The following PTPRB variants were observed in gnomAD, a reference collection of about 807,000 sequenced individuals.
PTPRB encodes the protein protein tyrosine phosphatase receptor type B, also known as receptor-type tyrosine-protein phosphatase beta.
Under a neutral mutation model 238.1 loss-of-function variants are expected in PTPRB, and 97 were observed. That is an observed-to-expected ratio of 0.41 (90% confidence interval 0.35 to 0.48). The LOEUF is 0.48. Ranked by LOEUF, PTPRB falls within the 20% of genes least tolerant of loss-of-function variation. The pLI, the probability that PTPRB is intolerant of heterozygous loss-of-function variation, is 0.30. For missense variants in PTPRB, 2,292 were observed against 2,681.9 expected (o/e 0.85, Z 3.21); for synonymous variants, 970 against 995.4 (o/e 0.97, Z 0.48).
chr12:70,586,421 C>G (rs1310829329), intron 9 of PTPRB, among the ~76,000 whole-genome samples: 1 of 152,108 alleles, frequency 6.6e-6, no homozygotes, highest in Non-Finnish European at 1.5e-5. Context: ...AACCTCTTTC[C>G]TTTATAAATT....
intron 21 of PTPRB, among the ~76,000 whole-genome samples, chr12:70,546,130 C>T (rs1217160076): frequency 6.9e-6 from 1 of 145,022 alleles, no homozygotes; most frequent in Non-Finnish European, 1.5e-5. Flanking sequence ...AAGCAGGACT[C>T]CACCTCAAAA....
chr12:70,550,540 C>T (rs190775011), intron 21 of PTPRB, among the ~76,000 whole-genome samples: 2 of 152,232 alleles, frequency 1.3e-5, no homozygotes, highest in East Asian at 3.9e-4. Flanking sequence ...CTTAGGACAA[C>T]CTTATGGAGC....
rs1878707816 is a variant in PTPRB, at chr12:70,563,014, T to C, written c.3998A>G (p.Tyr1333Cys). 1.9e-6 allele frequency: 3 copies of C among 1,613,858 alleles called. No individual in the cohort carries two copies. The highest frequency in any genetic ancestry group is 2.5e-6 in the Non-Finnish European group (3 of 1,179,892). Residue 1333 changes from tyrosine to cysteine, a missense_variant, in exon 16 of 34, where the codon TAC becomes TGC. Tyr to Cys is a radical substitution (Grantham distance 194). Transcript: ENST00000334414. ...ATCTGGGTTGTACAAAAAGATGTTG[T>C]ACCAGCTGAGCTCCCCCTCTGAGGC... The part of the protein sequence containing the change: ...WTASEGELSW[Y>C]NIFLYNPDGN...
intron 4 of PTPRB, among the ~76,000 whole-genome samples, chr12:70,606,528 T>G (rs1883957457): frequency 6.6e-6 from 1 of 152,262 alleles, no homozygotes; most frequent in Non-Finnish European, 1.5e-5. Flanking sequence ...TGTCTTGCTC[T>G]CATTCTATTT....
In PTPRB at chr12:70,560,569, A is replaced by G; in HGVS notation, c.4432+102T>C. 20 of 1,472,840 alleles carry G rather than the reference A, an allele frequency of 1.4e-5. No homozygotes were observed. The highest frequency in any genetic ancestry group is 1.8e-5 in the Non-Finnish European group (20 of 1,085,268). The allele number at this position is 1,472,840 out of a possible 1,614,324, so 91.2% of individuals were successfully genotyped here. ...AAATTCAGGGGCTAGCTCAGGGTAT[A>G]TCATTATTGGCTTTATCTCTTGTCA... On this transcript the variant is annotated intron_variant, in intron 17 of 33. Transcript: ENST00000334414. This position sits in a 1 kb window ranked among gnomAD's most constrained non-coding sequence, Gnocchi z 4.2.
In PTPRB at chr12:70,596,191, T is replaced by A. The variant is rs112738888; in HGVS notation, c.1116A>T (p.Ile372=). 7 of 1,613,706 alleles carry A rather than the reference T, an allele frequency of 4.3e-6. No homozygotes were observed. The South Asian group carries it at 7.7e-5, about 18-fold the overall frequency. The part of the protein sequence containing the change: ...VQLFDENNQK[I]QGVQIQESTS... ...TACTTTCTTGAATTTGAACCCCCTG[T>A]ATCTTTTGGTTATTTTCATCAAATA... Residue 372 remains isoleucine (I), a synonymous_variant, in exon 5 of 34, where the codon ATA becomes ATT. Transcript: ENST00000334414.
In PTPRB at chr12:70,519,589, C is replaced by T. The variant is rs1176768013; in HGVS notation, c.*1900G>A. The T allele has an allele frequency of 6.6e-6, 1 of 152,206 alleles. No individual in the cohort carries two copies. Among genetic ancestry groups the T allele is most frequent in the African/African-American group, 2.4e-5 (1 of 41,450 alleles). 9.4% of individuals were successfully genotyped at this position (152,206 alleles called of 1,614,324 possible). On this transcript the variant is annotated 3_prime_UTR_variant, in exon 34 of 34. Coordinates refer to ENST00000334414, the MANE Select transcript of PTPRB (RefSeq NM_001109754.4). ...TTCCAAGCATTAATGTGCTTTGCATCAAGCAACATTAGTGTAAAATTCTGC... is the reference window on the plus strand; with the variant it reads ...TTCCAAGCATTAATGTGCTTTGCATTAAGCAACATTAGTGTAAAATTCTGC...
chr12:70,631,295 C>A (rs1160315828), intron 2 of PTPRB, among the ~76,000 whole-genome samples: 1 of 152,168 alleles, frequency 6.6e-6, no homozygotes, highest in African/African-American at 2.4e-5. Flanking sequence ...ACCATCTGAT[C>A]TTTGACAAAC....
At chr12:70,610,376 T>A (rs911140217) in intron 3 of PTPRB, among the ~76,000 whole-genome samples, 3 of 151,594 alleles carry the variant, frequency 2.0e-5, no homozygotes, top group Non-Finnish European at 2.9e-5. Context: ...TCCCTGTCAC[T>A]TTCCAGGCCC....
At chr12:70,587,804 T>A (rs2136447807) in intron 8 of PTPRB, among the ~76,000 whole-genome samples, 1 of 152,088 alleles carries the variant, frequency 6.6e-6, no homozygotes, top group African/African-American at 2.4e-5. Context: ...TAGGAGACAT[T>A]AAGAATAAAC....
intron 10 of PTPRB, among the ~76,000 whole-genome samples, chr12:70,577,480 TGAG>T (rs1880914767): frequency 6.6e-6 from 1 of 152,224 alleles, no homozygotes; most frequent in African/African-American, 2.4e-5. Context: ...ATTGCAGTAT[TGAG>T]TAAAAGTTGA....
At chr12:70,589,559 C>A (rs1455842042) in intron 8 of PTPRB, among the ~76,000 whole-genome samples, 1 of 152,112 alleles carries the variant, frequency 6.6e-6, no homozygotes, top group Non-Finnish European at 1.5e-5. Context: ...CCCTAAAATC[C>A]AAATATATCC....
At chr12:70,583,528 A>G (rs1445028661) in intron 9 of PTPRB, among the ~76,000 whole-genome samples, 1 of 151,640 alleles carries the variant, frequency 6.6e-6, no homozygotes, top group East Asian at 1.9e-4. Context: ...GGCTGAAGAA[A>G]CTCATAGCTG....
rs934784492 is a variant in PTPRB at position 70,520,570 on chromosome 12, T to C, written c.*919A>G. 1.2e-4 allele frequency: 23 copies of C among 199,890 alleles called. No individual in the cohort carries two copies. Among genetic ancestry groups the C allele is most frequent in the African/African-American group, 4.3e-4 (18 of 41,956 alleles). 12.4% of individuals were successfully genotyped at this position (199,890 alleles called of 1,614,324 possible). ...TAGGAATGGATAATTGTGACTTTTC[T>C]AGGAATGGAGACCACTGAAAATGAG... On this transcript the variant is annotated 3_prime_UTR_variant, in exon 34 of 34. Coordinates refer to ENST00000334414, the MANE Select transcript of PTPRB (RefSeq NM_001109754.4).
At chr12:70,526,605 A>G (rs1872480271) in intron 32 of PTPRB, among the ~76,000 whole-genome samples, 1 of 152,224 alleles carries the variant, frequency 6.6e-6, no homozygotes, top group African/African-American at 2.4e-5. Context: ...GTCATTTATT[A>G]TGAATGTTAC....
At chr12:70,624,294 C>T (rs1261860827) in intron 2 of PTPRB, among the ~76,000 whole-genome samples, 7 of 152,016 alleles carry the variant, frequency 4.6e-5, no homozygotes, top group African/African-American at 1.4e-4. Flanking sequence ...CAAATGTAAC[C>T]GAGTGCTGCG....
chr12:70,538,492 G>A, intron 27 of PTPRB: 1 of 473,300 alleles, frequency 2.1e-6, no homozygotes, highest in Non-Finnish European at 3.7e-6. Flanking sequence ...CTGATGGAGT[G>A]GCCAGCTCCC....
chr12:70,600,333 G>C (rs1421174117), intron 4 of PTPRB, among the ~76,000 whole-genome samples: 1 of 152,274 alleles, frequency 6.6e-6, no homozygotes. Flanking sequence ...ATAGGAACAG[G>C]TAGTAAAGTT....
chr12:70,632,416 T>C (rs79009184), intron 2 of PTPRB, among the ~76,000 whole-genome samples: 7,092 of 148,862 alleles, frequency 0.048, 199 homozygotes, highest in African/African-American at 0.063. Flanking sequence ...CATCACACAC[T>C]GGGTCCTGTC....
Sources: allele counts gnomAD v4.1 joint callset (sites outside exome capture counted in the v4.1 genomes callset), GRCh38; gene constraint gnomAD v4.1.1; non-coding constraint Gnocchi (gnomAD v3.1); transcripts MANE v1.5; gene names NCBI Gene and HGNC (gene_info 2026-07-23, HGNC 2026-07-21).